Variants in PTPRF observed in about 807,000 individuals in gnomAD.
PTPRF encodes the protein receptor-type tyrosine-protein phosphatase F.
In PTPRF, 59 loss-of-function variants were observed where a neutral mutation model predicts 201.8. The ratio of observed to expected loss-of-function variants is 0.29; its 90% CI spans 0.24 to 0.36. The LOEUF is 0.36. Among genes scored for constraint, PTPRF ranks in the 10% least tolerant of loss-of-function variants. The pLI is 1.00. For synonymous variants in PTPRF, 1,088 were observed against 1,089.7 expected, an observed-to-expected ratio of 1.00 and a Z score of 0.03; for missense variants, 2,132 against 2,690.5, an observed-to-expected ratio of 0.79 and a Z score of 4.59.
intron 33 of PTPRF, 51 bp from the exon 34 acceptor site, chr1:43,621,884 T>A: frequency 6.4e-7 from 1 of 1,557,616 alleles, no homozygotes; most frequent in South Asian, 1.1e-5. Context: ...AGCTGTGTAG[T>A]GGGGGTGTCC....
rs754156472 is a variant in PTPRF, at chr1:43,592,595, C to G, written c.1807C>G (p.Gln603Glu). 3 of 1,594,108 alleles carry G rather than the reference C, an allele frequency of 1.9e-6. No homozygotes were observed. Among genetic ancestry groups the G allele is most frequent in the Admixed American group, 1.7e-5 (1 of 58,314 alleles). ...CCCCACCATTGAGGCCCGCACAGCCCAGTCCAGTAAGTGTCTCCCAAGTCC... is the reference window on the plus strand; with the variant it reads ...CCCCACCATTGAGGCCCGCACAGCCGAGTCCAGTAAGTGTCTCCCAAGTCC... ...FTPTIEARTAQSTPSAPPQKV... is the reference protein window; with the variant it reads ...FTPTIEARTAESTPSAPPQKV... Residue 603 changes from glutamine to glutamate, a missense_variant, in exon 11 of 34, where the codon CAG (glutamine) becomes GAG (glutamate). Coordinates refer to ENST00000359947, the MANE Select transcript of PTPRF (RefSeq NM_002840.5).
In PTPRF at chr1:43,542,824, C is replaced by A. The variant is rs1289969516; in HGVS notation, c.-45-2207C>A. Among the ~76,000 whole-genome samples, 2 of 152,154 alleles carry A rather than the reference C, an allele frequency of 1.3e-5. No homozygotes were observed. Among genetic ancestry groups the A allele is most frequent in the African/African-American group, 4.8e-5 (2 of 41,424 alleles). The stretch of plus-strand genomic sequence containing the variant: ...TGCTATGATTACTGCACCAAGGCGG[C>A]TACAGGGGATTAAGCCTCTGCTCAT... On this transcript the variant is annotated intron_variant, in intron 2 of 33. Coordinates refer to ENST00000359947, the MANE Select transcript of PTPRF (RefSeq NM_002840.5). The surrounding 1 kb of genome is among the most constrained non-coding windows in gnomAD (Gnocchi z 5.2).
At chr1:43,597,134 T>C (rs11210884) in intron 11 of PTPRF, among the ~76,000 whole-genome samples, 16,527 of 151,690 alleles carry the variant, frequency 0.11, 1,092 homozygotes, top group African/African-American at 0.18. Flanking sequence ...TGTGAGACAC[T>C]GTGTATATGA....
chr1:43,558,648 C>T (rs1469572927), intron 5 of PTPRF, among the ~76,000 whole-genome samples: 2 of 152,214 alleles, frequency 1.3e-5, no homozygotes, highest in Non-Finnish European at 2.9e-5. Flanking sequence ...AAAAGCTCTT[C>T]TCGCTCCGCA....
chr1:43,569,219 G>GCCCCCCCCCCCC (rs11313129), intron 5 of PTPRF, among the ~76,000 whole-genome samples: 7 of 137,846 alleles, frequency 5.1e-5, no homozygotes, highest in Admixed American at 7.1e-5. Flanking sequence ...CTCCCTGCTA[G>GCCCCCCCCCCCC]CCCCCCCCCC....
At chr1:43,617,370 G>T in intron 23 of PTPRF, 75 bp from the exon 24 acceptor site, 1 of 1,590,070 alleles carries the variant, frequency 6.3e-7, no homozygotes, top group Non-Finnish European at 8.6e-7. Context: ...CACCGGGAAG[G>T]CTGGGTCCCC....
At chr1:43,569,971 C>T (rs1055444721) in intron 6 of PTPRF, among the ~76,000 whole-genome samples, 193 bp downstream of exon 6, 4 of 152,186 alleles carry the variant, frequency 2.6e-5, no homozygotes, top group East Asian at 3.9e-4. Context: ...GTGCCGTTAC[C>T]TTCTTCGGAT....
chr1:43,578,375 C>T (rs1557755931), intron 6 of PTPRF, among the ~76,000 whole-genome samples: 1 of 152,266 alleles, frequency 6.6e-6, no homozygotes, highest in African/African-American at 2.4e-5. Flanking sequence ...GAGGGCATGG[C>T]GTGCTTGTGA....
intron 6 of PTPRF, among the ~76,000 whole-genome samples, chr1:43,571,862 G>C (rs1646595928): frequency 6.6e-6 from 1 of 152,238 alleles, no homozygotes; most frequent in Non-Finnish European, 1.5e-5. Context: ...CCACTTACCA[G>C]CTCTCTGGCA....
intron 7 of PTPRF, among the ~76,000 whole-genome samples, chr1:43,585,460 G>A (rs1414643152): frequency 1.3e-5 from 2 of 152,192 alleles, no homozygotes; most frequent in Admixed American, 1.3e-4. Context: ...TTGTGAGAGT[G>A]AAGGTGGTGT....
intron 3 of PTPRF, among the ~76,000 whole-genome samples, chr1:43,549,966 AG>A (rs1210006240): frequency 6.6e-6 from 1 of 151,922 alleles, no homozygotes; most frequent in African/African-American, 2.4e-5. Context: ...AGCTGAGGAG[AG>A]GTGCGGTTAG....
intron 32 of PTPRF, 30 bp from the exon 33 acceptor site, chr1:43,621,067 G>C: frequency 6.2e-7 from 1 of 1,612,196 alleles, no homozygotes; most frequent in African/African-American, 1.3e-5. Flanking sequence ...AGGCAAGCAG[G>C]ACTCCTGACC....
In PTPRF at chr1:43,530,887, G is replaced by C. The variant is rs1355516546; in HGVS notation, c.-329G>C. The C allele has an allele frequency of 1.3e-5, 2 of 152,222 alleles. No individual in the cohort carries two copies. The highest frequency in any genetic ancestry group is 2.9e-5 in the Non-Finnish European group (2 of 68,242). 9.4% of individuals were successfully genotyped at this position (152,222 alleles called of 1,614,324 possible). A position where few individuals can be genotyped will look rare whatever the true frequency, so the allele number is the denominator to read the frequency against. On this transcript the variant is annotated 5_prime_UTR_variant, in exon 1 of 34. Transcript: ENST00000359947. The surrounding 1 kb of genome is among the most constrained non-coding windows in gnomAD (Gnocchi z 4.1). ...GGCTGGAGCTGGCGCGGGAGCGGCG[G>C]GAGCGGTGGCGGCGGCAGAGGCGGC...
At chr1:43,607,629 C>T (rs377617382) in intron 21 of PTPRF, among the ~76,000 whole-genome samples, 4 of 152,356 alleles carry the variant, frequency 2.6e-5, no homozygotes, top group East Asian at 1.9e-4. Context: ...TTGATGGCTG[C>T]CCACGTAAAG....
intron 13 of PTPRF, among the ~76,000 whole-genome samples, chr1:43,601,393 T>C (rs1441569613): frequency 6.6e-6 from 1 of 152,264 alleles, no homozygotes; most frequent in East Asian, 1.9e-4. Context: ...GTATAGGTGA[T>C]TTCCCGTGCC....
At chr1:43,577,802 C>T (rs992595717) in intron 6 of PTPRF, among the ~76,000 whole-genome samples, 1 of 152,070 alleles carries the variant, frequency 6.6e-6, no homozygotes, top group South Asian at 2.1e-4. Context: ...AACTGTTGGA[C>T]CGTCCTGTGT....
At chr1:43,615,235 G>A (rs139719524) in intron 23 of PTPRF, among the ~76,000 whole-genome samples, 151 of 152,278 alleles carry the variant, frequency 9.9e-4, no homozygotes, top group African/African-American at 3.3e-3. Flanking sequence ...TGCCTATAGG[G>A]CCCCCCTGGG....
In PTPRF at chr1:43,598,748, G is replaced by A. The variant is rs1653009502; in HGVS notation, c.2148G>A (p.Glu716=). The A allele has an allele frequency of 6.2e-7, 1 of 1,613,878 alleles. No individual in the cohort carries two copies. The highest frequency in any genetic ancestry group is 8.5e-7 in the Non-Finnish European group (1 of 1,179,882). ...CCAGCGGGCCTCCGCGGAAGGTGGA[G>A]GTGGAGCCACTGAACTCCACTGCTG... is the stretch of plus-strand genomic sequence containing the variant. ...DVPSGPPRKV[E]VEPLNSTAVH... Residue 716 remains glutamate, a synonymous_variant, in exon 13 of 34, where the codon GAG becomes GAA. Coordinates refer to ENST00000359947, the MANE Select transcript of PTPRF (RefSeq NM_002840.5).
intron 23 of PTPRF, among the ~76,000 whole-genome samples, chr1:43,615,568 T>TC (rs1425722706): frequency 2.2e-5 from 3 of 134,462 alleles, no homozygotes; most frequent in Non-Finnish European, 4.8e-5. Context: ...TTTTTTTTTT[T>TC]TTTTTTTTTT....
Sources: allele counts gnomAD v4.1 joint callset (sites outside exome capture counted in the v4.1 genomes callset), GRCh38; gene constraint gnomAD v4.1.1; non-coding constraint Gnocchi (gnomAD v3.1); transcripts MANE v1.5; gene names NCBI Gene and HGNC (gene_info 2026-07-23, HGNC 2026-07-21).